Variants in GABRG3 observed in about 807,000 individuals in gnomAD.
The protein encoded by GABRG3 is gamma-aminobutyric acid type A receptor subunit gamma3.
Under a neutral mutation model 48.8 loss-of-function variants are expected in GABRG3, and 25 were observed. The ratio of observed to expected loss-of-function variants is 0.51; its 90% CI spans 0.37 to 0.72. The LOEUF is 0.72. Ranked by LOEUF, GABRG3 falls within the 30% of genes least tolerant of loss-of-function variation. The probability of loss-of-function intolerance (pLI) is 0.00; values close to 1 mark genes in which losing one functional copy is unlikely to be tolerated. For synonymous variants in GABRG3, 227 were observed against 217.6 expected (o/e 1.04, Z -0.38); for missense variants, 394 against 577.9 (o/e 0.68, Z 3.26).
At chr15:27,083,457 T>G (rs1038611059) in intron 3 of GABRG3, among the ~76,000 whole-genome samples, 1 of 151,556 alleles carries the variant, frequency 6.6e-6, no homozygotes, top group Non-Finnish European at 1.5e-5. Flanking sequence ...CTCAGCCTCC[T>G]GAGTAGCTGG....
chr15:27,162,962 G>A (rs1347531397), intron 3 of GABRG3, among the ~76,000 whole-genome samples: 2 of 151,918 alleles, frequency 1.3e-5, no homozygotes, highest in Admixed American at 6.6e-5. Flanking sequence ...TGGAGGTTAC[G>A]AGATTCACCT....
chr15:27,501,038 G>A (rs12908633), intron 6 of GABRG3, among the ~76,000 whole-genome samples: 4 of 148,508 alleles, frequency 2.7e-5, no homozygotes, highest in Non-Finnish European at 4.4e-5. Context: ...TGCAAGCTCC[G>A]CCTCCCGGGT....
chr15:27,024,078 T>C (rs1048087033), intron 2 of GABRG3, among the ~76,000 whole-genome samples: 3 of 152,334 alleles, frequency 2.0e-5, no homozygotes, highest in Middle Eastern at 3.4e-3. Context: ...CTAATGATGT[T>C]TTCATGTGCT....
intron 3 of GABRG3, among the ~76,000 whole-genome samples, chr15:27,055,004 CTGT>C (rs1216825381): frequency 3.1e-5 from 2 of 64,114 alleles, no homozygotes; most frequent in African/African-American, 9.6e-5. Context: ...GGGCCAAGAC[CTGT>C]TTTTTTTTTT....
At chr15:27,064,568 T>G (rs1207427326) in intron 3 of GABRG3, among the ~76,000 whole-genome samples, 1 of 152,134 alleles carries the variant, frequency 6.6e-6, no homozygotes. Flanking sequence ...TTTGCTGTCC[T>G]CTAGCCCCTG....
At chr15:27,038,080 A>G (rs987970205) in intron 3 of GABRG3, among the ~76,000 whole-genome samples, 17 of 152,122 alleles carry the variant, frequency 1.1e-4, no homozygotes, top group African/African-American at 3.9e-4. Context: ...GTCCTGGTCC[A>G]TGCTCCGTAA....
At chr15:27,485,731 A>G (rs1317916453) in intron 6 of GABRG3, among the ~76,000 whole-genome samples, 1 of 152,328 alleles carries the variant, frequency 6.6e-6, no homozygotes, top group Non-Finnish European at 1.5e-5. Context: ...TAACACAGGT[A>G]TCTGACTTTT....
At chr15:27,120,837 T>C (rs1009288987) in intron 3 of GABRG3, among the ~76,000 whole-genome samples, 1 of 152,148 alleles carries the variant, frequency 6.6e-6, no homozygotes, top group Non-Finnish European at 1.5e-5. Context: ...CAGCCTGAGA[T>C]TATAGCTCCA....
At chr15:27,247,280 G>T (rs1163419193) in intron 3 of GABRG3, among the ~76,000 whole-genome samples, 1 of 151,928 alleles carries the variant, frequency 6.6e-6, no homozygotes, top group African/African-American at 2.4e-5. Flanking sequence ...TCTTCTCCTT[G>T]TGAGTCCTTG....
rs1566771102 is a variant in GABRG3, at chr15:27,307,398, GGTTTATATA to G, written c.271-19410_271-19402del. ...TTATATATTTATATATAACCATATAGGTTTATATATTTATATATAAACATATAGGTTTAT... is the reference window on the plus strand; with the variant it reads ...TTATATATTTATATATAACCATATAGTTTATATATAAACATATAGGTTTAT... On this transcript the variant is annotated intron_variant, in intron 3 of 9. Coordinates refer to ENST00000615808, the MANE Select transcript of GABRG3 (RefSeq NM_033223.5). Among the ~76,000 whole-genome samples, 293 of 87,798 alleles carry G rather than the reference GGTTTATATA, an allele frequency of 3.3e-3. 76 individuals carry two copies. Among genetic ancestry groups the G allele is most frequent in the African/African-American group, 3.5e-3 (87 of 24,736 alleles). The allele number at this position is 87,798 out of a possible 152,430, so 57.6% of individuals were successfully genotyped here.
chr15:27,450,012 GCTAT>G (rs1889061390), intron 5 of GABRG3, among the ~76,000 whole-genome samples: 1 of 152,114 alleles, frequency 6.6e-6, no homozygotes, highest in Non-Finnish European at 1.5e-5. Flanking sequence ...AACTCACCCT[GCTAT>G]CTGTCATTTT....
intron 3 of GABRG3, among the ~76,000 whole-genome samples, chr15:27,300,945 C>T (rs1057386050): frequency 3.3e-5 from 5 of 151,950 alleles, no homozygotes. Flanking sequence ...CCAGCCTGGG[C>T]AACAAGAGGG....
intron 3 of GABRG3, among the ~76,000 whole-genome samples, chr15:27,174,653 G>A (rs1887688519): frequency 1.3e-5 from 2 of 149,278 alleles, no homozygotes; most frequent in South Asian, 2.1e-4. Flanking sequence ...TTATAAACTT[G>A]TAGGTCCTTA....
chr15:26,995,465 A>C (rs905723667), intron 2 of GABRG3, among the ~76,000 whole-genome samples: 27 of 151,694 alleles, frequency 1.8e-4, no homozygotes, highest in African/African-American at 6.3e-4. Flanking sequence ...TAATATGGTT[A>C]GACTTAATCT....
In GABRG3 at chr15:27,538,894, G is replaced by A. The variant is rs1347466249; in HGVS notation, c.*6013G>A. On this transcript the variant is annotated 3_prime_UTR_variant, in exon 10 of 10. Coordinates refer to ENST00000615808, the MANE Select transcript of GABRG3 (RefSeq NM_033223.5). ...ATCCAATTTGTATTTTCTTAAATATGTGTTTCTTAGGTATCTAAGGATACA... is the reference window on the plus strand; with the variant it reads ...ATCCAATTTGTATTTTCTTAAATATATGTTTCTTAGGTATCTAAGGATACA... 2 of 152,124 alleles carry A rather than the reference G, an allele frequency of 1.3e-5. No individual in the cohort carries two copies. The highest frequency in any genetic ancestry group is 3.9e-4 in the East Asian group (2 of 5,188). The allele number at this position is 152,124 out of a possible 1,614,324, so 9.4% of individuals were successfully genotyped here. A position where few individuals can be genotyped will look rare whatever the true frequency, so the allele number is the denominator to read the frequency against.
intron 3 of GABRG3, among the ~76,000 whole-genome samples, chr15:27,256,844 G>A (rs1265197432): frequency 1.3e-5 from 2 of 152,128 alleles, no homozygotes; most frequent in East Asian, 3.9e-4. Context: ...AGGGCCCTTA[G>A]GTCCATGTCA....
At chr15:27,046,824 G>C (rs1443025664) in intron 3 of GABRG3, among the ~76,000 whole-genome samples, 1 of 152,188 alleles carries the variant, frequency 6.6e-6, no homozygotes, top group Non-Finnish European at 1.5e-5. Context: ...TTTTCTTTTG[G>C]AGGTAGAATA....
rs1335119659 is a variant in GABRG3, at chr15:27,015,113, A to G, written c.203-11641A>G. 2.6e-5 allele frequency among the ~76,000 whole-genome samples: 4 copies of G among 152,140 alleles called. 1 individual carries two copies. The highest frequency in any genetic ancestry group is 6.5e-5 in the Admixed American group (1 of 15,278). On this transcript the variant is annotated intron_variant, in intron 2 of 9. Transcript: ENST00000615808. ...TTGCTTTCTTTAGGTTCCCATTTGC[A>G]TAGAATATCTTTTCTCATCCTTTCA... is the stretch of plus-strand genomic sequence containing the variant.
At chr15:27,281,542 T>C (rs997647253) in intron 3 of GABRG3, among the ~76,000 whole-genome samples, 1 of 151,718 alleles carries the variant, frequency 6.6e-6, no homozygotes, top group African/African-American at 2.4e-5. Context: ...TTTTGTATAG[T>C]TTTTTAAATG....
Sources: gnomAD v4.1 joint callset for allele counts (sites outside exome capture counted in the v4.1 genomes callset) on GRCh38, gnomAD v4.1.1 for gene constraint, MANE v1.5 for transcripts, NCBI Gene and HGNC (gene_info 2026-07-23, HGNC 2026-07-21) for gene names.